Variants in SAP130 observed in about 807,000 individuals in gnomAD.
SAP130 encodes histone deacetylase complex subunit SAP130.
A neutral mutation model predicts 103.2 loss-of-function variants in SAP130; 16 were observed. The ratio of observed to expected loss-of-function variants is 0.16; its 90% CI spans 0.10 to 0.24. SAP130 has a LOEUF of 0.24. Among genes scored for constraint, SAP130 ranks in the 10% least tolerant of loss-of-function variants. SAP130 has a pLI of 1.00. For synonymous variants in SAP130, 477 were observed against 497.0 expected (o/e 0.96, Z 0.53); for missense variants, 990 against 1,359.7 (o/e 0.73, Z 4.28).
chr2:128,010,067 T>G (rs1057227768), intron 7 of SAP130, among the ~76,000 whole-genome samples: 3 of 152,024 alleles, frequency 2.0e-5, no homozygotes, highest in Non-Finnish European at 4.4e-5. Context: ...TTATCGCGTC[T>G]CCAGCCTGTA....
intron 2 of SAP130, among the ~76,000 whole-genome samples, chr2:128,019,857 G>C (rs1685034355): frequency 6.6e-6 from 1 of 151,658 alleles, no homozygotes; most frequent in Non-Finnish European, 1.5e-5. Context: ...CCAGCCTGGG[G>C]GACAAGAGCA....
rs1031286199 is a variant in SAP130, at chr2:127,962,441, C to A, written c.2064-7097G>T. Among the ~76,000 whole-genome samples, 6 of 152,252 alleles carry A rather than the reference C, an allele frequency of 3.9e-5. No individual in the cohort carries two copies. The East Asian group carries it at 7.7e-4, about 20-fold the overall frequency. The stretch of plus-strand genomic sequence containing the variant: ...GACACATGCACACGTATGTTTATAG[C>A]GGCACTATTCACAATAGCAAAGACT... On this transcript the variant is annotated intron_variant, in intron 15 of 20. Coordinates refer to ENST00000643581, the MANE Select transcript of SAP130 (RefSeq NM_001330301.2).
chr2:128,014,712 T>C (rs1684651784), intron 5 of SAP130, 91 bp downstream of exon 5: 1 of 897,086 alleles, frequency 1.1e-6, no homozygotes, highest in East Asian at 2.5e-5. Flanking sequence ...TTTAACAAGC[T>C]GATTCTAGAT....
rs145164590 is a variant in SAP130, at chr2:127,955,739, C to T, written c.2064-395G>A. On this transcript the variant is annotated intron_variant, in intron 15 of 20. Coordinates refer to ENST00000643581, the MANE Select transcript of SAP130 (RefSeq NM_001330301.2). This position sits in a 1 kb window ranked among gnomAD's most constrained non-coding sequence, Gnocchi z 4.9. ...CTGAACTCAAGTGATCCGCCTGCCTCGGCCTCCCAAAGTGATGGGATTACA... is the reference window on the plus strand; with the variant it reads ...CTGAACTCAAGTGATCCGCCTGCCTTGGCCTCCCAAAGTGATGGGATTACA... Among the ~76,000 whole-genome samples the T allele has an allele frequency of 0.013, 1,904 of 152,212 alleles. 38 individuals carry two copies. The highest frequency in any genetic ancestry group is 0.042 in the African/African-American group (1,762 of 41,526).
intron 17 of SAP130, 82 bp from the exon 18 acceptor site, chr2:127,950,076 G>T: frequency 3.1e-6 from 5 of 1,608,582 alleles, no homozygotes; most frequent in Non-Finnish European, 4.3e-6. Flanking sequence ...AGGTACGAGT[G>T]AGGCTGACTA....
rs1441197372 is a variant in SAP130, at chr2:127,950,217, C to A, written c.2614G>T (p.Ala872Ser). The change falls in exon 17 of 21, where the codon GCC (alanine) becomes TCC (serine). Residue 872 changes from alanine to serine, a missense_variant. Ala to Ser is a moderately conservative substitution (Grantham distance 99). This residue lies in a region of SAP130 where 61 missense variants were observed against 73.8 expected (regional missense o/e 0.83). Coordinates refer to ENST00000643581, the MANE Select transcript of SAP130 (RefSeq NM_001330301.2). ...TCAGCCTTCACCAGAAGACTCTTGGCAGTGGACTTCTCATCATCAGTGCTG... is the reference window on the plus strand; with the variant it reads ...TCAGCCTTCACCAGAAGACTCTTGGAAGTGGACTTCTCATCATCAGTGCTG... ...TNSTDDEKST[A>S]KSLLVKAEKR... 12 of 1,614,218 alleles carry A rather than the reference C, an allele frequency of 7.4e-6. No homozygotes were observed. In the South Asian group the frequency reaches 1.3e-4, roughly 18 times the overall value.
chr2:127,959,086 T>C (rs1680050524), intron 15 of SAP130, among the ~76,000 whole-genome samples: 1 of 152,166 alleles, frequency 6.6e-6, no homozygotes, highest in East Asian at 1.9e-4. Context: ...TAGCTGAAAA[T>C]TGTGTTATAT....
chr2:127,969,010 T>C (rs1680880791), intron 15 of SAP130, among the ~76,000 whole-genome samples: 1 of 152,144 alleles, frequency 6.6e-6, no homozygotes, highest in Non-Finnish European at 1.5e-5. Context: ...TATTTATCTT[T>C]CCCCTTATTG....
At chr2:127,949,489 C>A (rs1209605544) in intron 18 of SAP130, among the ~76,000 whole-genome samples, 1 of 152,154 alleles carries the variant, frequency 6.6e-6, no homozygotes, top group Non-Finnish European at 1.5e-5. Flanking sequence ...GTATTTTTAG[C>A]ATCTTAGGAA....
At chr2:128,016,576 T>A (rs1426558150) in intron 3 of SAP130, 29 bp from the exon 4 acceptor site, 1 of 1,593,124 alleles carries the variant, frequency 6.3e-7, no homozygotes, top group Admixed American at 1.7e-5. Flanking sequence ...ACAAAACATA[T>A]CAATGGCCTC....
chr2:127,991,075 C>A (rs1202167859), intron 12 of SAP130, among the ~76,000 whole-genome samples: 1 of 151,910 alleles, frequency 6.6e-6, no homozygotes, highest in Non-Finnish European at 1.5e-5. Flanking sequence ...CAGGGTGAAA[C>A]CCCATCTCTA....
At chr2:128,021,698 T>C (rs1023829198) in intron 2 of SAP130, among the ~76,000 whole-genome samples, 2 of 152,198 alleles carry the variant, frequency 1.3e-5, no homozygotes, top group African/African-American at 4.8e-5. Flanking sequence ...AGTATATGTT[T>C]AACTTTGCCG....
chr2:128,006,467 G>A (rs1282880773), intron 7 of SAP130, among the ~76,000 whole-genome samples: 1 of 152,122 alleles, frequency 6.6e-6, no homozygotes, highest in Non-Finnish European at 1.5e-5. Context: ...CCCCTTTGAA[G>A]GTTTGGTAGA....
rs1679727036 is a variant in SAP130, at chr2:127,954,983, T to C, written c.2422+3A>G. 1.1e-5 allele frequency: 18 copies of C among 1,593,146 alleles called. No homozygotes were observed. The East Asian group carries it at 4.0e-4, about 36-fold the overall frequency. ...ATGGAGAGTATTCTATGGACGGACT[T>C]ACCAGAAACTGGCCTCATGATATCC... On this transcript the variant is annotated splice_donor_region_variant and intron_variant, in intron 16 of 20. Transcript: ENST00000643581.
chr2:127,968,424 T>G (rs35575097), intron 15 of SAP130, among the ~76,000 whole-genome samples: 32 of 150,992 alleles, frequency 2.1e-4, no homozygotes, highest in East Asian at 3.9e-4. Context: ...GTTTTTTTTT[T>G]TTTTTTTTTT....
Position 128,025,304 on chromosome 2 carries a change from T to C in SAP130, c.112+877A>G, listed in dbSNP as rs1299909075. On this transcript the variant is annotated intron_variant, in intron 2 of 20. Coordinates refer to ENST00000643581, the MANE Select transcript of SAP130 (RefSeq NM_001330301.2). ...ACCTATCAGATGCCAATAGTACTCT[T>C]TAGTTGTGACAACCAAACTGTCTTT... Among the ~76,000 whole-genome samples, 8 of 152,280 alleles carry C rather than the reference T, an allele frequency of 5.3e-5. No homozygotes were observed. In the East Asian group the frequency reaches 1.3e-3, roughly 26 times the overall value.
chr2:127,991,223 C>A (rs138845439), intron 12 of SAP130, among the ~76,000 whole-genome samples: 4,224 of 152,092 alleles, frequency 0.028, 178 homozygotes, highest in African/African-American at 0.093. Context: ...ACACTCCAGC[C>A]TGGGCAACAG....
At chr2:127,988,011 C>T (rs553642896) in intron 13 of SAP130, among the ~76,000 whole-genome samples, 1 of 152,268 alleles carries the variant, frequency 6.6e-6, no homozygotes, top group South Asian at 2.1e-4. Context: ...GTACACCATC[C>T]TACCGGGTGG....
intron 2 of SAP130, among the ~76,000 whole-genome samples, chr2:128,020,640 C>A (rs977863021): frequency 6.6e-6 from 1 of 152,124 alleles, no homozygotes; most frequent in South Asian, 2.1e-4. Context: ...AACATATGTA[C>A]CACTTCTACT....
Sources: allele counts gnomAD v4.1 joint callset (sites outside exome capture counted in the v4.1 genomes callset), GRCh38; gene constraint gnomAD v4.1.1; regional missense constraint gnomAD v4.1.1; non-coding constraint Gnocchi (gnomAD v3.1); transcripts MANE v1.5; gene names NCBI Gene and HGNC (gene_info 2026-07-23, HGNC 2026-07-21).